DNAH5: variants seen among roughly 807,000 people sequenced by gnomAD.
DNAH5 encodes the protein dynein axonemal heavy chain 5.
DNAH5 carries 372 observed loss-of-function variants against 518.2 expected under a neutral mutation model. That is an observed-to-expected ratio of 0.72 (90% CI 0.66 to 0.78). The LOEUF (loss-of-function observed/expected upper bound fraction) is 0.78, where lower values mean the gene tolerates loss of function less well. Among genes scored for constraint, DNAH5 ranks in the 30% least tolerant of loss-of-function variants. The pLI, the probability that DNAH5 is intolerant of heterozygous loss-of-function variation, is 0.00. For synonymous variants in DNAH5, 2,039 were observed against 2,025.9 expected (o/e 1.01, Z -0.17); for missense variants, 5,523 against 5,687.0 (o/e 0.97, Z 0.93).
At chr5:13,760,997 T>C (rs1751694018) in intron 60 of DNAH5, among the ~76,000 whole-genome samples, 2 of 152,184 alleles carry the variant, frequency 1.3e-5, no homozygotes, top group Non-Finnish European at 2.9e-5. Context: ...TCCAAGATGC[T>C]AGATACTTGT....
intron 1 of DNAH5, among the ~76,000 whole-genome samples, chr5:13,984,525 T>C (rs1341014199): frequency 6.6e-6 from 1 of 152,198 alleles, no homozygotes; most frequent in Admixed American, 6.5e-5. Context: ...TTTATTTCTT[T>C]CTCCTGCCTG....
In DNAH5 at chr5:13,844,969, G is replaced by A. The variant is rs1401250359; in HGVS notation, c.5139C>T (p.Cys1713=). The change falls in exon 32 of 79, where the codon TGC becomes TGT. Residue 1713 remains cysteine (C), a synonymous_variant. Transcript: ENST00000265104. Reference sequence around the variant, plus strand: ...CTGAGACGAAGAAAAACCGAGGAAAGCACAGTCGTTTTTTCTCCAAGTACC... The same window carrying A: ...CTGAGACGAAGAAAAACCGAGGAAAACACAGTCGTTTTTTCTCCAAGTACC... The part of the protein sequence containing the change: ...LTGYLEKKRL[C]FPRFFFVSDP... 2.5e-6 allele frequency: 4 copies of A among 1,614,092 alleles called. No homozygotes were observed. In the African/African-American group the frequency reaches 5.3e-5, roughly 22 times the overall value.
chr5:13,709,204 C>T (rs904269999), intron 75 of DNAH5, among the ~76,000 whole-genome samples: 3 of 151,840 alleles, frequency 2.0e-5, no homozygotes, highest in Non-Finnish European at 4.4e-5. Context: ...CAGTGGGGTA[C>T]AAAAGACACA....
chr5:14,007,253 A>T (rs1350390310), intron 1 of DNAH5, among the ~76,000 whole-genome samples: 11 of 152,218 alleles, frequency 7.2e-5, no homozygotes, highest in African/African-American at 2.4e-4. Flanking sequence ...TCAGGACATC[A>T]CTGCATCACA....
At chr5:13,832,589 G>T (rs116327345) in intron 35 of DNAH5, among the ~76,000 whole-genome samples, 2,898 of 152,232 alleles carry the variant, frequency 0.019, 39 homozygotes, top group Non-Finnish European at 0.031. Flanking sequence ...TGTTTTAGTT[G>T]CCTGTGGTCA....
chr5:13,855,382 G>C (rs1375962987), intron 30 of DNAH5, among the ~76,000 whole-genome samples: 2 of 105,330 alleles, frequency 1.9e-5, no homozygotes, highest in African/African-American at 6.9e-5. Context: ...CTAATTTTTT[G>C]TATTTTTAGT....
At chr5:14,011,066 G>A (rs1335094485) in intron 1 of DNAH5, among the ~76,000 whole-genome samples, 1 of 151,468 alleles carries the variant, frequency 6.6e-6, no homozygotes, top group Admixed American at 6.6e-5. Flanking sequence ...TGTGTTTCCA[G>A]CTGCACCTGC....
intron 1 of DNAH5, among the ~76,000 whole-genome samples, chr5:13,957,423 A>C (rs537727432): frequency 6.6e-6 from 1 of 152,334 alleles, no homozygotes; most frequent in East Asian, 1.9e-4. Context: ...AAAGTTACTG[A>C]ATGCTTTAAT....
At chr5:13,873,121 GATAA>G (rs935002369) in intron 22 of DNAH5, among the ~76,000 whole-genome samples, 5 of 151,998 alleles carry the variant, frequency 3.3e-5, no homozygotes, top group African/African-American at 7.2e-5. Flanking sequence ...AATAAAAATA[GATAA>G]ATAAATAAAT....
chr5:13,748,692 G>T (rs1749774488), intron 65 of DNAH5, among the ~76,000 whole-genome samples: 1 of 152,054 alleles, frequency 6.6e-6, no homozygotes, highest in Non-Finnish European at 1.5e-5. Context: ...CCTGTTATTG[G>T]TGTATAAGAA....
At chr5:13,983,076 G>T (rs2152068349) in intron 1 of DNAH5, among the ~76,000 whole-genome samples, 1 of 152,324 alleles carries the variant, frequency 6.6e-6, no homozygotes, top group South Asian at 2.1e-4. Context: ...CACTGCATCA[G>T]AACCACCGCA....
In DNAH5 at chr5:13,716,654, C is replaced by T; in HGVS notation, c.12742G>A (p.Glu4248Lys). 2 of 1,613,902 alleles carry T rather than the reference C, an allele frequency of 1.2e-6. No homozygotes were observed. Among genetic ancestry groups the T allele is most frequent in the Non-Finnish European group, 8.5e-7 (1 of 1,179,830 alleles). Residue 4248 changes from glutamate to lysine, a missense_variant, in exon 74 of 79, where the codon GAG becomes AAG. Coordinates refer to ENST00000265104, the MANE Select transcript of DNAH5 (RefSeq NM_001369.3). ...SWTTIRYMIG[E>K]IQYGGRVTDD... ...GTGACTCTGCCTCCATATTGAATCT[C>T]TCCTATCATGTAGCGGATGGTGGTC...
chr5:13,822,591 T>A (rs1762370011), intron 40 of DNAH5, among the ~76,000 whole-genome samples: 1 of 152,208 alleles, frequency 6.6e-6, no homozygotes, highest in Non-Finnish European at 1.5e-5. Context: ...GGAATTGAAG[T>A]GCAATTTATA....
chr5:13,908,272 C>T (rs16902919), intron 12 of DNAH5, among the ~76,000 whole-genome samples: 3,162 of 152,262 alleles, frequency 0.021, 113 homozygotes, highest in African/African-American at 0.072. Context: ...AAAAACAGTA[C>T]AGTTAGCCTA....
rs1382956575 is a variant in DNAH5 at position 13,931,169 on chromosome 5, C to T, written c.133G>A (p.Ala45Thr). The T allele has an allele frequency of 1.2e-6, 2 of 1,614,012 alleles. No individual in the cohort carries two copies. The highest frequency in any genetic ancestry group is 1.3e-5 in the African/African-American group (1 of 74,932). ...GTTTTGTTCAGGTCCAAACAGGAAGCCACAATTGCAAATAAGTAGTTATGC... is the reference window on the plus strand; with the variant it reads ...GTTTTGTTCAGGTCCAAACAGGAAGTCACAATTGCAAATAAGTAGTTATGC... Reference protein sequence around the residue: ...ARHNYLFAIVASCLDLNKTEV... With the variant: ...ARHNYLFAIVTSCLDLNKTEV... The change falls in exon 2 of 79, where the codon GCT (alanine) becomes ACT (threonine). Residue 45 changes from alanine to threonine, a missense_variant. Ala to Thr is a moderately conservative substitution (Grantham distance 58, BLOSUM62 0). Transcript: ENST00000265104.
At chr5:13,706,870 A>G (rs1411052409) in intron 76 of DNAH5, among the ~76,000 whole-genome samples, 1 of 152,218 alleles carries the variant, frequency 6.6e-6, no homozygotes, top group East Asian at 1.9e-4. Context: ...ATACCAGAGC[A>G]GGGCAGGGAA....
intron 1 of DNAH5, among the ~76,000 whole-genome samples, chr5:13,941,384 A>G (rs778079076): frequency 4.6e-5 from 7 of 152,066 alleles, no homozygotes; most frequent in Non-Finnish European, 1.0e-4. Flanking sequence ...TTTTAAATAG[A>G]CAGTACCTCT....
At chr5:13,867,485 G>C (rs1823043) in intron 25 of DNAH5, among the ~76,000 whole-genome samples, 59,869 of 151,792 alleles carry the variant, frequency 0.39, 12,182 homozygotes, top group South Asian at 0.46. Context: ...TGTAAGTTTC[G>C]TGAGGCCTCC....
intron 1 of DNAH5, among the ~76,000 whole-genome samples, chr5:13,990,684 A>G (rs544903755): frequency 6.6e-5 from 10 of 152,260 alleles, no homozygotes; most frequent in Admixed American, 3.9e-4. Flanking sequence ...CCTGGCCAAC[A>G]TGGGGAAACC....
Sources: allele counts gnomAD v4.1 joint callset (sites outside exome capture counted in the v4.1 genomes callset), GRCh38; gene constraint gnomAD v4.1.1; transcripts MANE v1.5; gene names NCBI Gene and HGNC (gene_info 2026-07-23, HGNC 2026-07-21).